Variants in TBX22 observed in about 807,000 individuals in gnomAD.
TBX22 encodes the protein T-box transcription factor TBX22.
Under a neutral mutation model 30.1 loss-of-function variants are expected in TBX22, and 8 were observed. The ratio of observed to expected loss-of-function variants is 0.27; its 90% CI spans 0.16 to 0.48. TBX22 has a LOEUF of 0.48. TBX22 is among the 20% of genes least tolerant of loss of function. The probability of loss-of-function intolerance (pLI) is 0.99; values close to 1 mark genes in which losing one functional copy is unlikely to be tolerated. For synonymous variants in TBX22, 173 were observed against 149.1 expected, an observed-to-expected ratio of 1.16 and a Z score of -1.17; for missense variants, 463 against 400.5, an observed-to-expected ratio of 1.16 and a Z score of -1.33.
chrX:80,024,820 C>A (rs1482715314), intron 4 of TBX22, among the ~76,000 whole-genome samples: 1 of 111,439 alleles, frequency 9.0e-6, no homozygotes, highest in Admixed American at 9.5e-5. Flanking sequence ...CTGGGATACA[C>A]CCCAGACACA....
At chrX:80,026,619 C>T in intron 5 of TBX22, 85 bp from the exon 6 acceptor site, 1 of 983,933 alleles carries the variant, frequency 1.0e-6, no homozygotes, top group Non-Finnish European at 1.4e-6. Context: ...TTTTTGTGTG[C>T]ACATGGTGGA....
At chrX:80,022,147 TTG>T in intron 1 of TBX22, 119 bp from the exon 2 acceptor site, 5 of 684,015 alleles carry the variant, frequency 7.3e-6, no homozygotes, top group Non-Finnish European at 1.1e-5. Flanking sequence ...TTGTTTTGTT[TTG>T]TTTTTCCCGC....
intron 1 of TBX22, among the ~76,000 whole-genome samples, chrX:80,021,169 T>G (rs1923670999): frequency 8.9e-6 from 1 of 112,186 alleles, no homozygotes. Context: ...ATCCGAACAT[T>G]TTGAGTTGTG....
chrX:80,022,642 C>T, intron 2 of TBX22, 198 bp downstream of exon 2: 3 of 467,296 alleles, frequency 6.4e-6, no homozygotes, highest in Non-Finnish European at 1.1e-5. Flanking sequence ...GGGGAGGGTC[C>T]CTACATAATT....
chrX:80,028,439 G>A (rs897037552), intron 8 of TBX22, among the ~76,000 whole-genome samples: 6 of 112,188 alleles, frequency 5.3e-5, no homozygotes, highest in Admixed American at 3.8e-4. Flanking sequence ...CTATTGAAAT[G>A]AATAGTTTAT....
chrX:80,029,231 C>T (rs1440511135), intron 8 of TBX22, among the ~76,000 whole-genome samples: 2 of 111,760 alleles, frequency 1.8e-5, no homozygotes, highest in South Asian at 3.7e-4. Context: ...GTTTAGGATA[C>T]GTCTACATAC....
At chrX:80,018,207 C>T (rs1923533716) in intron 1 of TBX22, among the ~76,000 whole-genome samples, 1 of 111,801 alleles carries the variant, frequency 8.9e-6, no homozygotes, top group Non-Finnish European at 1.9e-5. Flanking sequence ...CCCTCAATTT[C>T]CTGAAGTGAG....
At chrX:80,027,685 G>A (rs1602412175) in intron 7 of TBX22, among the ~76,000 whole-genome samples, 1 of 111,929 alleles carries the variant, frequency 8.9e-6, no homozygotes, top group East Asian at 2.8e-4. Context: ...TCCCCCACAA[G>A]TTTTAAGGAT....
intron 1 of TBX22, among the ~76,000 whole-genome samples, chrX:80,021,782 C>A (rs1017939122): frequency 7.2e-5 from 8 of 111,689 alleles, no homozygotes; most frequent in Non-Finnish European, 1.3e-4. Flanking sequence ...TCACTGGATG[C>A]AACAGTAACT....
intron 1 of TBX22, among the ~76,000 whole-genome samples, chrX:80,016,005 A>T (rs1005924715): frequency 1.2e-4 from 13 of 111,690 alleles, no homozygotes; most frequent in African/African-American, 4.2e-4. Context: ...GGCTTCAAGC[A>T]CAGGCAGTAT....
rs758555570 is a variant in TBX22 at position 80,015,219 on chromosome X, G to T, written c.-3+332G>T. Among the ~76,000 whole-genome samples the T allele has an allele frequency of 8.9e-5, 10 of 112,209 alleles. No homozygotes were observed. In the South Asian group the frequency reaches 3.0e-3, roughly 34 times the overall value. On this transcript the variant is annotated intron_variant, in intron 1 of 8. Coordinates refer to ENST00000373296, the MANE Select transcript of TBX22 (RefSeq NM_001109878.2). ...TCCTAGGCAGCAATGCAGCCAGAAGGCTCCCAGGCCCAGGATACTATGCAT... is the reference window on the plus strand; with the variant it reads ...TCCTAGGCAGCAATGCAGCCAGAAGTCTCCCAGGCCCAGGATACTATGCAT...
chrX:80,028,134 G>A (rs758139919), intron 8 of TBX22, 58 bp downstream of exon 8: 78 of 1,026,949 alleles, frequency 7.6e-5, no homozygotes, highest in African/African-American at 5.5e-4. Flanking sequence ...AACAACATCC[G>A]GAACCCTTGT....
chrX:80,029,773 A>C (rs184788158), intron 8 of TBX22, among the ~76,000 whole-genome samples: 1 of 112,583 alleles, frequency 8.9e-6, no homozygotes, highest in African/African-American at 3.2e-5. Flanking sequence ...TAACATTTTA[A>C]GGTTTTAAAA....
At chrX:80,015,653 C>T (rs141970995) in intron 1 of TBX22, among the ~76,000 whole-genome samples, 3,219 of 111,861 alleles carry the variant, frequency 0.029, 49 homozygotes, top group Middle Eastern at 0.047. Context: ...ACATACCACA[C>T]ACACACACAT....
Position 80,030,524 on chromosome X carries a change from A to T in TBX22, c.976A>T (p.Thr326Ser), listed in dbSNP as rs1052677632. 15 of 1,208,389 alleles carry T rather than the reference A, an allele frequency of 1.2e-5. No homozygotes were observed. The highest frequency in any genetic ancestry group is 4.4e-5 in the Admixed American group (2 of 45,671). ...QSGSSGSSPVTSSGGAPSPLN... is the reference protein window; with the variant it reads ...QSGSSGSSPVSSSGGAPSPLN... The stretch of plus-strand genomic sequence containing the variant: ...TGGAAGCAGTGGCTCATCTCCAGTG[A>T]CCTCTAGTGGAGGGGCCCCCTCTCC... The change falls in exon 9 of 9, where the codon ACC (threonine) becomes TCC (serine). Residue 326 changes from threonine (T) to serine (S), a missense_variant. Physicochemically the swap from Thr to Ser is moderately conservative, Grantham distance 58 (BLOSUM62 1). Transcript: ENST00000373296.
intron 6 of TBX22, 147 bp downstream of exon 6, chrX:80,027,015 A>T (rs1924008048): frequency 3.0e-6 from 2 of 670,073 alleles, no homozygotes; most frequent in Admixed American, 5.4e-5. Flanking sequence ...TGCAAGTTTG[A>T]TAATGAATTG....
intron 1 of TBX22, among the ~76,000 whole-genome samples, 199 bp from the exon 2 acceptor site, chrX:80,022,069 A>C (rs1923729061): frequency 1.1e-5 from 1 of 92,802 alleles, no homozygotes; most frequent in Admixed American, 1.3e-4. Context: ...CACACACACA[A>C]TTATTTTCTT....
At chrX:80,025,473 T>G in intron 4 of TBX22, 130 bp from the exon 5 acceptor site, 2 of 556,819 alleles carry the variant, frequency 3.6e-6, no homozygotes, top group East Asian at 3.3e-5. Flanking sequence ...TGTTAGAAAT[T>G]AAGTTGAGTC....
chrX:80,021,569 G>T (rs948135364), intron 1 of TBX22, among the ~76,000 whole-genome samples: 4 of 111,980 alleles, frequency 3.6e-5, no homozygotes, highest in African/African-American at 1.3e-4. Context: ...CAATTATTTC[G>T]CATGTCTTTG....
Sources: gnomAD v4.1 joint callset for allele counts (sites outside exome capture counted in the v4.1 genomes callset) on GRCh38, gnomAD v4.1.1 for gene constraint, MANE v1.5 for transcripts, NCBI Gene and HGNC (gene_info 2026-07-23, HGNC 2026-07-21) for gene names.